Variants in HNRNPM observed in about 807,000 individuals in gnomAD.
HNRNPM encodes the protein CEA receptor.
HNRNPM carries 11 observed loss-of-function variants against 73.1 expected under a neutral mutation model. The ratio of observed to expected loss-of-function variants is 0.15; its 90% CI spans 0.09 to 0.25. HNRNPM has a LOEUF of 0.25. HNRNPM is among the 10% of genes least tolerant of loss of function. The pLI is 1.00. For missense variants in HNRNPM, 789 were observed against 1,067.9 expected (o/e 0.74, Z 3.64); for synonymous variants, 407 against 355.2 (o/e 1.15, Z -1.64).
intron 1 of HNRNPM, among the ~76,000 whole-genome samples, chr19:8,446,305 C>T (rs1020457456): frequency 1.3e-5 from 2 of 152,196 alleles, no homozygotes; most frequent in Non-Finnish European, 2.9e-5. Context: ...AATACTAACT[C>T]CCTCCGTTTT....
intron 1 of HNRNPM, among the ~76,000 whole-genome samples, chr19:8,452,653 G>A (rs981811171): frequency 3.9e-5 from 6 of 152,124 alleles, no homozygotes; most frequent in African/African-American, 7.2e-5. Context: ...CTGCCAGCCC[G>A]TGGGAAGGGA....
chr19:8,451,116 A>G (rs1159911607), intron 1 of HNRNPM, among the ~76,000 whole-genome samples: 7 of 152,124 alleles, frequency 4.6e-5, no homozygotes, highest in Admixed American at 4.6e-4. Context: ...CATGTTGGCC[A>G]GGCTGGTCTC....
rs200342230 is a variant in HNRNPM at position 8,467,673 on chromosome 19, A to G, written c.834+89A>G. The G allele has an allele frequency of 9.0e-4, 869 of 961,514 alleles. 3 individuals carry two copies. The highest frequency in any genetic ancestry group is 1.1e-3 in the Non-Finnish European group (658 of 590,802). 59.6% of individuals were successfully genotyped at this position (961,514 alleles called of 1,614,324 possible). ...AGTGTACATATAGCCACTATGAAATATTTGTGGATTAGTCTAAGTTAAATA... is the reference window on the plus strand; with the variant it reads ...AGTGTACATATAGCCACTATGAAATGTTTGTGGATTAGTCTAAGTTAAATA... On this transcript the variant is annotated intron_variant, in intron 8 of 15. Transcript: ENST00000325495.
rs1221804778 is a variant in HNRNPM at position 8,488,791 on chromosome 19, G to C, written c.2130G>C (p.Arg710=). 2 of 1,614,052 alleles carry C rather than the reference G, an allele frequency of 1.2e-6. No individual in the cohort carries two copies. The highest frequency in any genetic ancestry group is 4.5e-5 in the East Asian group (2 of 44,898). The part of the protein sequence containing the change: ...ESPEVAERAC[R]MMNGMKLSGR... Reference sequence around the variant, plus strand: ...CAGAGGTGGCCGAGAGAGCCTGCCGGATGATGAATGGCATGAAGCTGAGTG... The same window carrying C: ...CAGAGGTGGCCGAGAGAGCCTGCCGCATGATGAATGGCATGAAGCTGAGTG... The change falls in exon 16 of 16, where the codon CGG becomes CGC. Residue 710 remains arginine (R), a synonymous_variant. Coordinates refer to ENST00000325495, the MANE Select transcript of HNRNPM (RefSeq NM_005968.5).
intron 5 of HNRNPM, 74 bp downstream of exon 5, chr19:8,463,760 G>A (rs948098391): frequency 8.8e-6 from 9 of 1,022,590 alleles, no homozygotes; most frequent in Admixed American, 7.6e-5. Context: ...AGGGAAAGAC[G>A]GTCATGGTCC....
chr19:8,479,718 A>G (rs1396850683), intron 12 of HNRNPM, among the ~76,000 whole-genome samples: 1 of 148,808 alleles, frequency 6.7e-6, no homozygotes, highest in African/African-American at 2.5e-5. Context: ...TGCTGGGGTT[A>G]TAGGCAACAG....
intron 1 of HNRNPM, among the ~76,000 whole-genome samples, chr19:8,451,176 G>C (rs1335014871): frequency 6.6e-6 from 1 of 152,020 alleles, no homozygotes; most frequent in African/African-American, 2.4e-5. Context: ...CAAAGTGCTG[G>C]GATTACAGAC....
chr19:8,460,711 C>T (rs7508502), intron 2 of HNRNPM, among the ~76,000 whole-genome samples: 142,195 of 152,304 alleles, frequency 0.93, 67,172 homozygotes, highest in East Asian at 1. Context: ...GCAACTGGGA[C>T]TTGAATTTCG....
At chr19:8,460,791 A>G (rs1401372181) in intron 2 of HNRNPM, among the ~76,000 whole-genome samples, 6 of 152,212 alleles carry the variant, frequency 3.9e-5, no homozygotes, top group African/African-American at 1.4e-4. Context: ...ATTAGGTGGT[A>G]GTCATAGCTG....
intron 1 of HNRNPM, among the ~76,000 whole-genome samples, chr19:8,448,701 T>G (rs1214941640): frequency 6.6e-6 from 1 of 151,876 alleles, no homozygotes; most frequent in Non-Finnish European, 1.5e-5. Context: ...GCCAGGATGG[T>G]CTCGATCTCC....
chr19:8,488,573 G>A (rs78149642), intron 15 of HNRNPM, 118 bp from the exon 16 acceptor site: 20,508 of 820,840 alleles, frequency 0.025, 358 homozygotes, highest in Middle Eastern at 0.06. Flanking sequence ...ATTGGTTCTC[G>A]CCATTGTATT....
intron 14 of HNRNPM, among the ~76,000 whole-genome samples, chr19:8,486,727 C>T (rs528873847): frequency 1.6e-3 from 246 of 152,304 alleles, no homozygotes; most frequent in Middle Eastern, 6.8e-3. Flanking sequence ...AATTATTTTC[C>T]CCAGCTCAGC....
chr19:8,466,210 T>A (rs1173187968), intron 6 of HNRNPM, 25 bp from the exon 7 acceptor site: 1 of 1,601,134 alleles, frequency 6.2e-7, no homozygotes. Context: ...ACATTGAGGT[T>A]TTTACCCCGT....
intron 2 of HNRNPM, among the ~76,000 whole-genome samples, chr19:8,461,536 A>AT (rs1969396906): frequency 6.6e-6 from 1 of 151,852 alleles, no homozygotes; most frequent in Non-Finnish European, 1.5e-5. Flanking sequence ...TTCAGCAGCC[A>AT]TTTTGGTGGT....
intron 10 of HNRNPM, 47 bp from the exon 11 acceptor site, chr19:8,473,617 T>C: frequency 8.4e-7 from 1 of 1,189,734 alleles, no homozygotes; most frequent in Non-Finnish European, 1.2e-6. Context: ...AAACGTTATT[T>C]ACTGCTTTGA....
At chr19:8,467,701 G>T (rs775060798) in intron 8 of HNRNPM, 117 bp downstream of exon 8, 5 of 818,474 alleles carry the variant, frequency 6.1e-6, no homozygotes, top group African/African-American at 3.4e-5. Flanking sequence ...GTTAAATAGG[G>T]TGCAGTATGT....
At chr19:8,446,955 A>G (rs1440123437) in intron 1 of HNRNPM, among the ~76,000 whole-genome samples, 4 of 152,124 alleles carry the variant, frequency 2.6e-5, no homozygotes, top group African/African-American at 7.2e-5. Context: ...TGAGGGTGGT[A>G]TTTGGAGGGC....
intron 14 of HNRNPM, among the ~76,000 whole-genome samples, chr19:8,486,784 T>C (rs1232620875): frequency 1.3e-5 from 2 of 152,242 alleles, no homozygotes; most frequent in Non-Finnish European, 2.9e-5. Context: ...ACCGCAGGCC[T>C]GAGTGTCCCA....
chr19:8,445,317 CG>C, intron 1 of HNRNPM: 4 of 417,936 alleles, frequency 9.6e-6, no homozygotes, highest in Non-Finnish European at 1.6e-5. Context: ...CACCGGGCCT[CG>C]AGCCTCGCCA....
Sources: allele counts gnomAD v4.1 joint callset (sites outside exome capture counted in the v4.1 genomes callset), GRCh38; gene constraint gnomAD v4.1.1; transcripts MANE v1.5; gene names NCBI Gene and HGNC (gene_info 2026-07-23, HGNC 2026-07-21).